Variants in FSHR observed in about 807,000 individuals in gnomAD.
FSHR encodes follicle-stimulating hormone receptor.
In FSHR, 46 loss-of-function variants were observed where a neutral mutation model predicts 52.1. The observed-to-expected ratio is 0.88, with a 90% CI of 0.70 to 1.13. The LOEUF (loss-of-function observed/expected upper bound fraction) is 1.13, where lower values mean the gene tolerates loss of function less well. Ranked by LOEUF, FSHR falls within the 50% of genes most tolerant of loss-of-function variation. FSHR has a pLI of 0.00. For synonymous variants in FSHR, 399 were observed against 309.6 expected, an observed-to-expected ratio of 1.29 and a Z score of -3.03; for missense variants, 964 against 834.6, an observed-to-expected ratio of 1.16 and a Z score of -1.91.
At chr2:49,029,601 A>G (rs1484004120) in intron 2 of FSHR, among the ~76,000 whole-genome samples, 2 of 152,268 alleles carry the variant, frequency 1.3e-5, no homozygotes, top group Non-Finnish European at 2.9e-5. Flanking sequence ...TTTATACTCA[A>G]TCCTTTGTAG....
intron 2 of FSHR, among the ~76,000 whole-genome samples, chr2:49,044,146 G>A (rs1249201210): frequency 2.0e-5 from 3 of 152,314 alleles, no homozygotes; most frequent in East Asian, 1.9e-4. Context: ...GACTGGCAGC[G>A]ATGAATGGAT....
At chr2:49,142,742 G>T (rs1672735975) in intron 1 of FSHR, among the ~76,000 whole-genome samples, 1 of 152,154 alleles carries the variant, frequency 6.6e-6, no homozygotes, top group East Asian at 1.9e-4. Flanking sequence ...CCCAGGTGAG[G>T]GATGATGGTG....
At chr2:48,972,191 T>C (rs946720008) in intron 8 of FSHR, among the ~76,000 whole-genome samples, 2 of 152,244 alleles carry the variant, frequency 1.3e-5, no homozygotes, top group Non-Finnish European at 2.9e-5. Context: ...AAAACTTTGA[T>C]GCCTACCTGG....
chr2:48,972,488 T>A (rs1041336609), intron 8 of FSHR, among the ~76,000 whole-genome samples: 1 of 152,220 alleles, frequency 6.6e-6, no homozygotes, highest in Non-Finnish European at 1.5e-5. Context: ...CTTCCCATTG[T>A]TTTAGAGATT....
Position 48,962,736 on chromosome 2 carries a change from G to C in FSHR, c.2085C>G (p.Asn695Lys), listed in dbSNP as rs1674283326. The C allele has an allele frequency of 6.2e-7, 1 of 1,613,524 alleles. No homozygotes were observed. The highest frequency in any genetic ancestry group is 8.5e-7 in the Non-Finnish European group (1 of 1,179,476). The change falls in exon 10 of 10, where the codon AAC becomes AAG. Residue 695 changes from asparagine (N) to lysine (K), a missense_variant. Transcript: ENST00000406846. ...AGATACATTTTCACATTGTGTTTTA[G>C]TTTTGGGCTAAATGACTTAGAGGGA... is the stretch of plus-strand genomic sequence containing the variant. ...ILVPLSHLAQ[N>K]
intron 6 of FSHR, 56 bp downstream of exon 6, chr2:48,988,921 G>C: frequency 7.0e-7 from 1 of 1,430,094 alleles, no homozygotes; most frequent in Non-Finnish European, 9.9e-7. Context: ...ATGAGAAAGA[G>C]ATCACTAAAT....
At chr2:48,990,458 T>A in intron 5 of FSHR, 108 bp downstream of exon 5, 1 of 811,454 alleles carries the variant, frequency 1.2e-6, no homozygotes. Flanking sequence ...CCCAGAGCAA[T>A]ACATTTGGAG....
intron 1 of FSHR, among the ~76,000 whole-genome samples, chr2:49,076,012 T>G (rs1421354656): frequency 6.6e-6 from 1 of 152,214 alleles, no homozygotes; most frequent in Non-Finnish European, 1.5e-5. Flanking sequence ...AATTGATTCA[T>G]GAAGATACAG....
intron 1 of FSHR, among the ~76,000 whole-genome samples, chr2:49,114,394 G>T (rs1671528764): frequency 6.6e-6 from 1 of 152,130 alleles, no homozygotes; most frequent in Non-Finnish European, 1.5e-5. Context: ...GTCAGAACCA[G>T]CTTGCCATGA....
intron 1 of FSHR, among the ~76,000 whole-genome samples, chr2:49,152,793 C>T (rs552471414): frequency 3.3e-5 from 5 of 152,146 alleles, no homozygotes; most frequent in Non-Finnish European, 7.3e-5. Flanking sequence ...TTCAACCAAG[C>T]AGGTTGTACT....
In FSHR at chr2:48,982,771, T is replaced by C. The variant is rs1675309799; in HGVS notation, c.668+141A>G. On this transcript the variant is annotated intron_variant, in intron 8 of 9. Coordinates refer to ENST00000406846, the MANE Select transcript of FSHR (RefSeq NM_000145.4). ...GTGGATAAGCCTTAAATTGTCTCTA[T>C]AAATTTTTGCAGATGACACGAATAA... 4.0e-6 allele frequency: 3 copies of C among 751,900 alleles called. No individual in the cohort carries two copies. In the South Asian group the frequency reaches 4.4e-5, roughly 11 times the overall value. 46.6% of individuals were successfully genotyped at this position (751,900 alleles called of 1,614,324 possible). A position where few individuals can be genotyped will look rare whatever the true frequency, so the allele number is the denominator to read the frequency against.
intron 6 of FSHR, among the ~76,000 whole-genome samples, chr2:48,986,180 T>C (rs1464409394): frequency 8.5e-5 from 13 of 152,204 alleles, no homozygotes; most frequent in Admixed American, 3.9e-4. Context: ...CTAGAATCCA[T>C]GTGTTCTCAT....
chr2:49,019,719 G>A (rs1667622723), intron 3 of FSHR, among the ~76,000 whole-genome samples: 1 of 152,242 alleles, frequency 6.6e-6, no homozygotes, highest in Non-Finnish European at 1.5e-5. Context: ...GCATAGGCCA[G>A]TAGTCAGACC....
At chr2:49,082,138 G>C (rs1572718317) in intron 1 of FSHR, among the ~76,000 whole-genome samples, 1 of 152,156 alleles carries the variant, frequency 6.6e-6, no homozygotes, top group Admixed American at 6.5e-5. Flanking sequence ...GGTTCTCCCA[G>C]CACGCAGCTG....
At chr2:49,072,743 A>C (rs1371921876) in intron 1 of FSHR, among the ~76,000 whole-genome samples, 1 of 152,150 alleles carries the variant, frequency 6.6e-6, no homozygotes, top group Non-Finnish European at 1.5e-5. Context: ...AACATGGGTA[A>C]GGAGCTTTCT....
At chr2:49,032,928 T>C (rs1289290883) in intron 2 of FSHR, among the ~76,000 whole-genome samples, 2 of 152,222 alleles carry the variant, frequency 1.3e-5, no homozygotes, top group Non-Finnish European at 2.9e-5. Context: ...TCTGACCAAA[T>C]GTGCCTTTGG....
chr2:49,140,838 G>A (rs1417882462), intron 1 of FSHR, among the ~76,000 whole-genome samples: 1 of 152,012 alleles, frequency 6.6e-6, no homozygotes, highest in Admixed American at 6.5e-5. Flanking sequence ...CTATCATCAA[G>A]GTTCATCTAA....
intron 1 of FSHR, among the ~76,000 whole-genome samples, chr2:49,135,953 G>A (rs911593957): frequency 6.6e-6 from 1 of 151,860 alleles, no homozygotes; most frequent in East Asian, 1.9e-4. Context: ...GGTTGTCTTG[G>A]GGGGCTGGCA....
chr2:49,129,901 A>G (rs558503008), intron 1 of FSHR, among the ~76,000 whole-genome samples: 1 of 152,322 alleles, frequency 6.6e-6, no homozygotes, highest in African/African-American at 2.4e-5. Context: ...TGAGTTCAGG[A>G]AATTAGGACA....
Sources: gnomAD v4.1 joint callset for allele counts (sites outside exome capture counted in the v4.1 genomes callset) on GRCh38, gnomAD v4.1.1 for gene constraint, MANE v1.5 for transcripts, NCBI Gene and HGNC (gene_info 2026-07-23, HGNC 2026-07-21) for gene names.